Variants in OR52D1 observed in about 807,000 individuals in gnomAD.
OR52D1 encodes olfactory receptor 52D1.
For synonymous variants in OR52D1, 175 were observed against 149.0 expected (o/e 1.17, Z -1.27); for missense variants, 423 against 390.0 (o/e 1.08, Z -0.71).
rs779308313 is a variant in OR52D1, at chr11:5,489,441, C to T, written c.735C>T (p.Gly245=). ...DAQHKALSTC[G]SHIGIILVFY... Reference sequence around the variant, plus strand: ...AGCACAAAGCTCTGAGTACCTGTGGCTCCCACATTGGCATCATCCTGGTTT... The same window carrying T: ...AGCACAAAGCTCTGAGTACCTGTGGTTCCCACATTGGCATCATCCTGGTTT... The change falls in exon 1 of 1, where the codon GGC becomes GGT. Residue 245 remains glycine (G), a synonymous_variant. Coordinates refer to ENST00000322641, the MANE Select transcript of OR52D1 (RefSeq NM_001005163.2). The T allele has an allele frequency of 4.0e-5, 64 of 1,613,900 alleles. 1 individual carries two copies. Among genetic ancestry groups the T allele is most frequent in the Non-Finnish European group, 3.1e-5 (37 of 1,179,966 alleles).
Position 5,489,629 on chromosome 11 carries a change from T to G in OR52D1, c.923T>G (p.Leu308Arg), listed in dbSNP as rs371406348. 1.2e-6 allele frequency: 2 copies of G among 1,613,578 alleles called. No homozygotes were observed. The highest frequency in any genetic ancestry group is 1.7e-6 in the Non-Finnish European group (2 of 1,179,776). ...ACCAAGGAGATTCGGAGTCGACTTC[T>G]AAAACTGCTTCACCTGGGGAAGACT... ...ARTKEIRSRL[L>R]KLLHLGKTSI The change falls in exon 1 of 1, where the codon CTA becomes CGA. Residue 308 changes from leucine (L) to arginine (R), a missense_variant. Coordinates refer to ENST00000322641, the MANE Select transcript of OR52D1 (RefSeq NM_001005163.2).
Position 5,489,255 on chromosome 11 carries a change from G to A in OR52D1, c.549G>A (p.Glu183=). The change falls in exon 1 of 1, where the codon GAG becomes GAA. Residue 183 remains glutamate, a synonymous_variant. Transcript: ENST00000322641. Reference sequence around the variant, plus strand: ...GTGTCATGACACACACATACTGTGAGCATATGGGCATTGCCCGACTGGCCT... The same window carrying A: ...GTGTCATGACACACACATACTGTGAACATATGGGCATTGCCCGACTGGCCT... ...GHRVMTHTYC[E]HMGIARLACA... 1.9e-6 allele frequency: 3 copies of A among 1,614,016 alleles called. No individual in the cohort carries two copies.
Position 5,489,114 on chromosome 11 carries a change from A to G in OR52D1, c.408A>G (p.Thr136=). 2 of 1,613,904 alleles carry G rather than the reference A, an allele frequency of 1.2e-6. No individual in the cohort carries two copies. Among genetic ancestry groups the G allele is most frequent in the Non-Finnish European group, 1.7e-6 (2 of 1,179,922 alleles). Residue 136 remains threonine, a synonymous_variant, in exon 1 of 1, where the codon ACA becomes ACG. Coordinates refer to ENST00000322641, the MANE Select transcript of OR52D1 (RefSeq NM_001005163.2). ...YVAICNPLRY[T]TILNHAVIGR... is the part of the protein sequence containing the mutation. ...CTATCTGTAACCCATTAAGGTACAC[A>G]ACCATTCTCAACCATGCTGTCATAG...
rs140556792 is a variant in OR52D1 at position 5,489,605 on chromosome 11, C to T, written c.899C>T (p.Thr300Ile). The change falls in exon 1 of 1, where the codon ACC becomes ATC. Residue 300 changes from threonine to isoleucine, a missense_variant. Coordinates refer to ENST00000322641, the MANE Select transcript of OR52D1 (RefSeq NM_001005163.2). ...AATCCTATTCTCTATGGAGCTAGAA[C>T]CAAGGAGATTCGGAGTCGACTTCTA... is the stretch of plus-strand genomic sequence containing the variant. Reference protein sequence around the residue: ...VLNPILYGARTKEIRSRLLKL... With the variant: ...VLNPILYGARIKEIRSRLLKL... 35 of 1,613,786 alleles carry T rather than the reference C, an allele frequency of 2.2e-5. No individual in the cohort carries two copies. The highest frequency in any genetic ancestry group is 1.9e-5 in the Non-Finnish European group (23 of 1,179,942).
rs527339979 is a variant in OR52D1 at position 5,489,274 on chromosome 11, C to G, written c.568C>G (p.Leu190Val). The change falls in exon 1 of 1, where the codon CTG becomes GTG. Residue 190 changes from leucine to valine, a missense_variant. Leu to Val is a conservative substitution (Grantham distance 32). Coordinates refer to ENST00000322641, the MANE Select transcript of OR52D1 (RefSeq NM_001005163.2). ...TYCEHMGIARLACANITVNIV... is the reference protein window; with the variant it reads ...TYCEHMGIARVACANITVNIV... Reference sequence around the variant, plus strand: ...CTGTGAGCATATGGGCATTGCCCGACTGGCCTGTGCCAACATCACTGTCAA... The same window carrying G: ...CTGTGAGCATATGGGCATTGCCCGAGTGGCCTGTGCCAACATCACTGTCAA... 3 of 1,613,900 alleles carry G rather than the reference C, an allele frequency of 1.9e-6. No individual in the cohort carries two copies. The highest frequency in any genetic ancestry group is 3.3e-5 in the Admixed American group (2 of 59,990).
chr11:5,489,724 C>CA lies in OR52D1; in HGVS notation c.*62dup, dbSNP rs1851555019. Reference sequence around the variant, plus strand: ...TAGGATGGCTGTCTAGATACATTTACATGGACACACAGTGATGATGTGAAA... The same window carrying CA: ...TAGGATGGCTGTCTAGATACATTTACAATGGACACACAGTGATGATGTGAAA... On this transcript the variant is annotated 3_prime_UTR_variant, in exon 1 of 1. Transcript: ENST00000322641. 1 of 1,088,478 alleles carries CA rather than the reference C, an allele frequency of 9.2e-7. No homozygotes were observed. Among genetic ancestry groups the CA allele is most frequent in the South Asian group, 1.4e-5 (1 of 70,440 alleles). 67.4% of individuals were successfully genotyped at this position (1,088,478 alleles called of 1,614,324 possible). A position where few individuals can be genotyped will look rare whatever the true frequency, so the allele number is the denominator to read the frequency against.
chr11:5,489,562 C>T lies in OR52D1; in HGVS notation c.856C>T (p.Leu286=), dbSNP rs1271411363. 1.2e-6 allele frequency: 2 copies of T among 1,613,900 alleles called. No individual in the cohort carries two copies. The highest frequency in any genetic ancestry group is 1.7e-6 in the Non-Finnish European group (2 of 1,179,982). The change falls in exon 1 of 1, where the codon CTG becomes TTG. Residue 286 remains leucine, a synonymous_variant. Transcript: ENST00000322641. ...CATCTTTCTGGCTAATCTCTATGTGCTGGTGCCTCCTGTACTCAATCCTAT... is the reference window on the plus strand; with the variant it reads ...CATCTTTCTGGCTAATCTCTATGTGTTGGTGCCTCCTGTACTCAATCCTAT... ...VHIFLANLYV[L]VPPVLNPILY...
Position 5,489,338 on chromosome 11 carries a change from G to T in OR52D1, c.632G>T (p.Gly211Val), listed in dbSNP as rs1171315717. 1.2e-6 allele frequency: 2 copies of T among 1,614,024 alleles called. No individual in the cohort carries two copies. The highest frequency in any genetic ancestry group is 4.5e-5 in the East Asian group (2 of 44,878). ...YGLTVALLAM[G>V]LDSILIAISY... ...CTAACTGTGGCTCTGCTGGCCATGG[G>T]ACTGGATTCCATTCTCATTGCCATT... is the stretch of plus-strand genomic sequence containing the variant. The change falls in exon 1 of 1, where the codon GGA becomes GTA. Residue 211 changes from glycine (G) to valine (V), a missense_variant. Gly to Val is a moderately radical substitution (Grantham distance 109). Transcript: ENST00000322641.
rs774913141 is a variant in OR52D1 at position 5,488,984 on chromosome 11, G to C, written c.278G>C (p.Gly93Ala). 4 of 1,613,944 alleles carry C rather than the reference G, an allele frequency of 2.5e-6. No homozygotes were observed. Among genetic ancestry groups the C allele is most frequent in the African/African-American group, 1.3e-5 (1 of 74,910 alleles). Reference protein sequence around the residue: ...KMLAILWLHAGEISFGGCLAQ... With the variant: ...KMLAILWLHAAEISFGGCLAQ... ...CTGGCCATTTTGTGGCTCCATGCTG[G>C]TGAGATTTCCTTTGGTGGATGCCTG... Residue 93 changes from glycine to alanine, a missense_variant, in exon 1 of 1, where the codon GGT (glycine) becomes GCT (alanine). Physicochemically the swap from Gly to Ala is moderately conservative, Grantham distance 60. Coordinates refer to ENST00000322641, the MANE Select transcript of OR52D1 (RefSeq NM_001005163.2).
Position 5,489,484 on chromosome 11 carries a change from T to A in OR52D1, c.778T>A (p.Phe260Ile), listed in dbSNP as rs1175184976. 6.2e-7 allele frequency: 1 copy of A among 1,614,086 alleles called. No individual in the cohort carries two copies. The highest frequency in any genetic ancestry group is 2.2e-5 in the East Asian group (1 of 44,870). ...CCTGGTTTTCTACATCCCTGCCTTC[T>A]TCTCCTTCCTCACCCACCGCTTTGG... ...IILVFYIPAF[F>I]SFLTHRFGHH... The change falls in exon 1 of 1, where the codon TTC (phenylalanine) becomes ATC (isoleucine). Residue 260 changes from phenylalanine to isoleucine, a missense_variant. Coordinates refer to ENST00000322641, the MANE Select transcript of OR52D1 (RefSeq NM_001005163.2).
chr11:5,488,685 AG>A lies in OR52D1; in HGVS notation c.-21del, dbSNP rs1323757363. On this transcript the variant is annotated 5_prime_UTR_variant, in exon 1 of 1. Transcript: ENST00000322641. The stretch of plus-strand genomic sequence containing the variant: ...AAGCATAACAATACTATTCAGAAAG[AG>A]CCCTTCATTTGCCAGGAAGAATGTC... 6.7e-7 allele frequency: 1 copy of A among 1,500,034 alleles called. No individual in the cohort carries two copies. The highest frequency in any genetic ancestry group is 1.4e-5 in the African/African-American group (1 of 72,710). 92.9% of individuals were successfully genotyped at this position (1,500,034 alleles called of 1,614,324 possible). A position where few individuals can be genotyped will look rare whatever the true frequency, so the allele number is the denominator to read the frequency against.
rs1851537260 is a variant in OR52D1 at position 5,489,035 on chromosome 11, T to C, written c.329T>C (p.Ile110Thr). ...CLAQMFCVHS[I>T]YALESSILLA... ...GCCCAGATGTTTTGTGTCCATTCTA[T>C]CTATGCTCTGGAGTCCTCAATTCTA... The change falls in exon 1 of 1, where the codon ATC (isoleucine) becomes ACC (threonine). Residue 110 changes from isoleucine to threonine, a missense_variant. Physicochemically the swap from Ile to Thr is moderately conservative, Grantham distance 89. Transcript: ENST00000322641. 6.2e-7 allele frequency: 1 copy of C among 1,613,956 alleles called. No individual in the cohort carries two copies. Among genetic ancestry groups the C allele is most frequent in the African/African-American group, 1.3e-5 (1 of 74,902 alleles).
chr11:5,489,045 G>T lies in OR52D1; in HGVS notation c.339G>T (p.Leu113=). 1 of 1,614,020 alleles carries T rather than the reference G, an allele frequency of 6.2e-7. No homozygotes were observed. Among genetic ancestry groups the T allele is most frequent in the Non-Finnish European group, 8.5e-7 (1 of 1,179,956 alleles). Residue 113 remains leucine (L), a synonymous_variant, in exon 1 of 1, where the codon CTG becomes CTT. Coordinates refer to ENST00000322641, the MANE Select transcript of OR52D1 (RefSeq NM_001005163.2). ...QMFCVHSIYA[L]ESSILLAMAF... is the part of the protein sequence containing the mutation. ...TTTGTGTCCATTCTATCTATGCTCT[G>T]GAGTCCTCAATTCTACTTGCCATGG...
In OR52D1 at chr11:5,489,060, A is replaced by G; in HGVS notation, c.354A>G (p.Leu118=). 1 of 1,614,018 alleles carries G rather than the reference A, an allele frequency of 6.2e-7. No homozygotes were observed. Residue 118 remains leucine, a synonymous_variant, in exon 1 of 1, where the codon CTA becomes CTG. Coordinates refer to ENST00000322641, the MANE Select transcript of OR52D1 (RefSeq NM_001005163.2). ...HSIYALESSI[L]LAMAFDRYVA... is the part of the protein sequence containing the mutation. ...TCTATGCTCTGGAGTCCTCAATTCTACTTGCCATGGCCTTTGATAGGTATG... is the reference window on the plus strand; with the variant it reads ...TCTATGCTCTGGAGTCCTCAATTCTGCTTGCCATGGCCTTTGATAGGTATG...
In OR52D1 at chr11:5,489,660, A is replaced by G. The variant is rs781347910; in HGVS notation, c.954A>G (p.Ile318Met). The G allele has an allele frequency of 3.7e-6, 6 of 1,601,358 alleles. 1 individual carries two copies. In the South Asian group the frequency reaches 6.6e-5, roughly 18 times the overall value. Residue 318 changes from isoleucine to methionine, a missense_variant, in exon 1 of 1, where the codon ATA becomes ATG. Physicochemically the swap from Ile to Met is conservative, Grantham distance 10 (BLOSUM62 1). Transcript: ENST00000322641. ...LKLLHLGKTS[I>M] ...TGCTTCACCTGGGGAAGACTTCAAT[A>G]TGAATGCTGAGCAGAAGTTGGAGAT...
Position 5,488,892 on chromosome 11 carries a change from G to A in OR52D1, c.186G>A (p.Met62Ile). 1 of 1,613,988 alleles carries A rather than the reference G, an allele frequency of 6.2e-7. No individual in the cohort carries two copies. Among genetic ancestry groups the A allele is most frequent in the Non-Finnish European group, 8.5e-7 (1 of 1,179,978 alleles). Residue 62 changes from methionine to isoleucine, a missense_variant, in exon 1 of 1, where the codon ATG (methionine) becomes ATA (isoleucine). By Grantham distance (10) the Met-to-Ile change is conservative (BLOSUM62 1). Transcript: ENST00000322641. ...TGGACAATGCTCTTCATGCACCTATGTACCTCTTCCTCTGCCTTCTCTCAC... is the reference window on the plus strand; with the variant it reads ...TGGACAATGCTCTTCATGCACCTATATACCTCTTCCTCTGCCTTCTCTCAC... Reference protein sequence around the residue: ...IAMDNALHAPMYLFLCLLSLT... With the variant: ...IAMDNALHAPIYLFLCLLSLT...
chr11:5,489,598 G>A lies in OR52D1; in HGVS notation c.892G>A (p.Ala298Thr), dbSNP rs1176697019. The A allele has an allele frequency of 6.2e-7, 1 of 1,613,988 alleles. No homozygotes were observed. The highest frequency in any genetic ancestry group is 1.1e-5 in the South Asian group (1 of 91,082). Reference protein sequence around the residue: ...PPVLNPILYGARTKEIRSRLL... With the variant: ...PPVLNPILYGTRTKEIRSRLL... ...TGTACTCAATCCTATTCTCTATGGA[G>A]CTAGAACCAAGGAGATTCGGAGTCG... The change falls in exon 1 of 1, where the codon GCT becomes ACT. Residue 298 changes from alanine to threonine, a missense_variant. By Grantham distance (58) the Ala-to-Thr change is moderately conservative (BLOSUM62 0). Coordinates refer to ENST00000322641, the MANE Select transcript of OR52D1 (RefSeq NM_001005163.2).
Position 5,488,741 on chromosome 11 carries a change from C to T in OR52D1, c.35C>T (p.Pro12Leu). The change falls in exon 1 of 1, where the codon CCA becomes CTA. Residue 12 changes from proline (P) to leucine (L), a missense_variant. Coordinates refer to ENST00000322641, the MANE Select transcript of OR52D1 (RefSeq NM_001005163.2). Reference protein sequence around the residue: ...SDSNLSDNHLPDTFFLTGIPG... With the variant: ...SDSNLSDNHLLDTFFLTGIPG... ...TCCAACCTCAGTGATAACCATCTTC[C>T]AGACACCTTCTTCTTAACAGGGATC... The T allele has an allele frequency of 6.2e-7, 1 of 1,613,818 alleles. No homozygotes were observed. Among genetic ancestry groups the T allele is most frequent in the South Asian group, 1.1e-5 (1 of 91,044 alleles).
Position 5,489,045 on chromosome 11 carries a change from G to C in OR52D1, c.339G>C (p.Leu113=). 6.2e-7 allele frequency: 1 copy of C among 1,614,020 alleles called. No individual in the cohort carries two copies. Among genetic ancestry groups the C allele is most frequent in the African/African-American group, 1.3e-5 (1 of 75,008 alleles). Residue 113 remains leucine (L), a synonymous_variant, in exon 1 of 1, where the codon CTG becomes CTC. Coordinates refer to ENST00000322641, the MANE Select transcript of OR52D1 (RefSeq NM_001005163.2). ...TTTGTGTCCATTCTATCTATGCTCT[G>C]GAGTCCTCAATTCTACTTGCCATGG... The part of the protein sequence containing the change: ...QMFCVHSIYA[L]ESSILLAMAF...
Sources: gnomAD v4.1 joint callset for allele counts on GRCh38, gnomAD v4.1.1 for gene constraint, MANE v1.5 for transcripts, NCBI Gene and HGNC (gene_info 2026-07-23, HGNC 2026-07-21) for gene names.